Variants in AUTS2 observed in about 807,000 individuals in gnomAD.
The protein encoded by AUTS2 is autism susceptibility gene 2 protein.
AUTS2 carries 17 observed loss-of-function variants against 112.4 expected under a neutral mutation model. That is an observed-to-expected ratio of 0.15 (90% CI 0.10 to 0.23). The LOEUF (loss-of-function observed/expected upper bound fraction) is 0.23. Among genes scored for constraint, AUTS2 ranks in the 10% least tolerant of loss-of-function variants. The pLI is 1.00. For synonymous variants in AUTS2, 751 were observed against 702.7 expected, an observed-to-expected ratio of 1.07 and a Z score of -1.09; for missense variants, 1,510 against 1,701.6, an observed-to-expected ratio of 0.89 and a Z score of 1.98.
At chr7:70,625,691 C>T (rs1409136737) in intron 5 of AUTS2, among the ~76,000 whole-genome samples, 1 of 152,160 alleles carries the variant, frequency 6.6e-6, no homozygotes, top group African/African-American at 2.4e-5. Flanking sequence ...TCTATACAAA[C>T]ATGTAACAGT....
At chr7:70,134,450 C>A in intron 3 of AUTS2, 86 bp from the exon 4 acceptor site, 1 of 1,163,770 alleles carries the variant, frequency 8.6e-7, no homozygotes, top group Non-Finnish European at 1.3e-6. Flanking sequence ...GAAAAGCCTG[C>A]AAAGGGCTGG....
rs192937781 is a variant in AUTS2, at chr7:70,056,372, A to T, written c.523-61760A>T. ...CAGCCTTTATACTTTAATCATTCTGAGGGGGGTTTTCTGTGTCCCTCCTTC... is the reference window on the plus strand; with the variant it reads ...CAGCCTTTATACTTTAATCATTCTGTGGGGGGTTTTCTGTGTCCCTCCTTC... On this transcript the variant is annotated intron_variant, in intron 2 of 18. Transcript: ENST00000342771. Among the ~76,000 whole-genome samples the T allele has an allele frequency of 9.2e-4, 140 of 152,144 alleles. 1 individual carries two copies. Among genetic ancestry groups the T allele is most frequent in the Non-Finnish European group, 1.2e-3 (84 of 67,994 alleles).
rs544912014 is a variant in AUTS2 at position 70,416,724 on chromosome 7, G to A, written c.661-19028G>A. On this transcript the variant is annotated intron_variant, in intron 4 of 18. Transcript: ENST00000342771. ...GCTACCACAGCCCTGCCGACGCAGCGCCTGCTGCGGTCACGGTCCACTCCC... is the reference window on the plus strand; with the variant it reads ...GCTACCACAGCCCTGCCGACGCAGCACCTGCTGCGGTCACGGTCCACTCCC... Among the ~76,000 whole-genome samples, 147 of 152,230 alleles carry A rather than the reference G, an allele frequency of 9.7e-4. 1 individual carries two copies. Among genetic ancestry groups the A allele is most frequent in the African/African-American group, 3.4e-3 (141 of 41,556 alleles).
chr7:70,164,960 T>C (rs915516657), intron 4 of AUTS2, among the ~76,000 whole-genome samples: 1 of 152,142 alleles, frequency 6.6e-6, no homozygotes, highest in African/African-American at 2.4e-5. Context: ...TTAAAAGGTT[T>C]AATGGAAAAG....
At position 69,944,027 on chromosome 7, in the gene AUTS2, G is replaced by A. The variant is rs944398058; in HGVS notation, c.522+44529G>A. 9.2e-5 allele frequency among the ~76,000 whole-genome samples: 14 copies of A among 152,170 alleles called. 1 individual carries two copies. Among genetic ancestry groups the A allele is most frequent in the African/African-American group, 3.4e-4 (14 of 41,426 alleles). On this transcript the variant is annotated intron_variant, in intron 2 of 18. Coordinates refer to ENST00000342771, the MANE Select transcript of AUTS2 (RefSeq NM_015570.4). ...AGACAAAAGTACTAGGGACTCTATA[G>A]CTCATCTAACTTCATAGATTAAAAT...
intron 11 of AUTS2, among the ~76,000 whole-genome samples, chr7:70,773,225 C>T (rs1225315495): frequency 6.6e-6 from 1 of 152,174 alleles, no homozygotes; most frequent in African/African-American, 2.4e-5. Context: ...CTCCTTTTCC[C>T]CACGAGTTTA....
At chr7:70,593,945 A>G (rs1321252781) in intron 5 of AUTS2, among the ~76,000 whole-genome samples, 2 of 152,200 alleles carry the variant, frequency 1.3e-5, no homozygotes, top group African/African-American at 2.4e-5. Context: ...GCGTCATAGA[A>G]CATCATAGAA....
At chr7:70,733,954 A>G (rs1196591384) in intron 6 of AUTS2, among the ~76,000 whole-genome samples, 1 of 151,792 alleles carries the variant, frequency 6.6e-6, no homozygotes, top group African/African-American at 2.4e-5. Flanking sequence ...ATCATTAAGC[A>G]TCTTTGATGT....
At chr7:70,254,905 T>A (rs1311634073) in intron 4 of AUTS2, among the ~76,000 whole-genome samples, 1 of 152,072 alleles carries the variant, frequency 6.6e-6, no homozygotes, top group Non-Finnish European at 1.5e-5. Flanking sequence ...TGGTTAGTGG[T>A]ATTTCAGTTG....
At chr7:69,679,885 A>T (rs957817794) in intron 1 of AUTS2, among the ~76,000 whole-genome samples, 8 of 151,638 alleles carry the variant, frequency 5.3e-5, no homozygotes, top group Non-Finnish European at 1.0e-4. Flanking sequence ...ATTTGAGAAA[A>T]TTTTTTTTTA....
intron 2 of AUTS2, among the ~76,000 whole-genome samples, chr7:69,943,790 G>T (rs903295922): frequency 1.1e-4 from 16 of 152,122 alleles, no homozygotes; most frequent in African/African-American, 3.6e-4. Flanking sequence ...GGACATAGAA[G>T]AATTTGGGAA....
At chr7:69,703,616 CTGTT>C (rs1797921879) in intron 1 of AUTS2, among the ~76,000 whole-genome samples, 1 of 152,138 alleles carries the variant, frequency 6.6e-6, no homozygotes, top group African/African-American at 2.4e-5. Flanking sequence ...TCAGAGGAAG[CTGTT>C]TGCTCTCATC....
At chr7:69,830,370 A>G (rs1791445665) in intron 1 of AUTS2, among the ~76,000 whole-genome samples, 1 of 152,226 alleles carries the variant, frequency 6.6e-6, no homozygotes, top group Non-Finnish European at 1.5e-5. Flanking sequence ...GTATACCTGT[A>G]CATTCTGCAC....
intron 1 of AUTS2, among the ~76,000 whole-genome samples, chr7:69,627,994 TGAG>T (rs1238557117): frequency 6.6e-6 from 1 of 152,232 alleles, no homozygotes; most frequent in Non-Finnish European, 1.5e-5. Context: ...GATTGAATGA[TGAG>T]GAGCGGAAAG....
chr7:70,591,233 C>T (rs375335489), intron 5 of AUTS2, among the ~76,000 whole-genome samples: 58 of 150,824 alleles, frequency 3.8e-4, no homozygotes, highest in Admixed American at 7.9e-4. Context: ...TGACACCAGA[C>T]GTGGTGTGAC....
intron 1 of AUTS2, among the ~76,000 whole-genome samples, chr7:69,691,833 T>G (rs563324955): frequency 6.6e-6 from 1 of 152,204 alleles, no homozygotes; most frequent in South Asian, 2.1e-4. Context: ...AGGCAGGAAG[T>G]GTTTTTTCCT....
At chr7:70,327,759 T>C (rs556064240) in intron 4 of AUTS2, among the ~76,000 whole-genome samples, 1 of 152,316 alleles carries the variant, frequency 6.6e-6, no homozygotes, top group South Asian at 2.1e-4. Flanking sequence ...ATCCCCTCCT[T>C]AGACTCCCTG....
At chr7:70,277,050 G>T (rs1584962529) in intron 4 of AUTS2, among the ~76,000 whole-genome samples, 1 of 152,176 alleles carries the variant, frequency 6.6e-6, no homozygotes, top group South Asian at 2.1e-4. Flanking sequence ...ACATGGTTTT[G>T]TAATGGGAAT....
intron 5 of AUTS2, among the ~76,000 whole-genome samples, chr7:70,665,025 A>G (rs1212947162): frequency 6.6e-6 from 1 of 152,050 alleles, no homozygotes; most frequent in Non-Finnish European, 1.5e-5. Flanking sequence ...TTGAGCTCTG[A>G]TTGCACCACT....
Sources: allele counts gnomAD v4.1 joint callset (sites outside exome capture counted in the v4.1 genomes callset), GRCh38; gene constraint gnomAD v4.1.1; transcripts MANE v1.5; gene names NCBI Gene and HGNC (gene_info 2026-07-23, HGNC 2026-07-21).